BRSK2: variants seen among roughly 807,000 people sequenced by gnomAD.
BRSK2 encodes serine/threonine-protein kinase BRSK2.
A neutral mutation model predicts 83.3 loss-of-function variants in BRSK2; 19 were observed. The observed-to-expected ratio is 0.23, with a 90% CI of 0.16 to 0.33. The LOEUF is 0.33. BRSK2 is among the 10% of genes least tolerant of loss of function. The pLI is 1.00. For missense variants in BRSK2, 798 were observed against 1,042.3 expected (o/e 0.77, Z 3.23); for synonymous variants, 519 against 435.4 (o/e 1.19, Z -2.39).
chr11:1,438,243 C>A lies in BRSK2; in HGVS notation c.187-63C>A, dbSNP rs1850607019. ...CCACAGCTGGCACCAAAGGCAGTGT[C>A]TGTGGGGAGCGATGCGTGCCCCAGC... On this transcript the variant is annotated intron_variant, in intron 2 of 19. Transcript: ENST00000528841. The surrounding 1 kb of genome is among the most constrained non-coding windows in gnomAD (Gnocchi z 6.4). 1.3e-6 allele frequency: 2 copies of A among 1,514,778 alleles called. No homozygotes were observed. The highest frequency in any genetic ancestry group is 4.6e-5 in the East Asian group (2 of 43,906). The allele number at this position is 1,514,778 out of a possible 1,614,324, so 93.8% of individuals were successfully genotyped here.
chr11:1,445,288 C>A lies in BRSK2; in HGVS notation c.813-6C>A. The A allele has an allele frequency of 6.2e-7, 1 of 1,603,784 alleles. No individual in the cohort carries two copies. The highest frequency in any genetic ancestry group is 8.5e-7 in the Non-Finnish European group (1 of 1,174,674). On this transcript the variant is annotated splice_region_variant and splice_polypyrimidine_tract_variant and intron_variant, in intron 9 of 19. Coordinates refer to ENST00000528841, the MANE Select transcript of BRSK2 (RefSeq NM_001256627.2). Reference sequence around the variant, plus strand: ...GATGAGCGGGTGGCCCGTCCTGTGTCCACAGAGGGGGCAAGAATGAGCCCG... The same window carrying A: ...GATGAGCGGGTGGCCCGTCCTGTGTACACAGAGGGGGCAAGAATGAGCCCG...
chr11:1,452,566 C>T (rs1845927690), intron 15 of BRSK2, among the ~76,000 whole-genome samples: 1 of 152,218 alleles, frequency 6.6e-6, no homozygotes, highest in South Asian at 2.1e-4. Flanking sequence ...GCCTGGAGGC[C>T]CTGACCCCTC....
rs569714982 is a variant in BRSK2, at chr11:1,451,553, G to A, written c.1544+134G>A. 1.2e-4 allele frequency: 113 copies of A among 921,070 alleles called. 1 individual carries two copies. The highest frequency in any genetic ancestry group is 2.6e-4 in the Middle Eastern group (1 of 3,888). 57.1% of individuals were successfully genotyped at this position (921,070 alleles called of 1,614,324 possible). On this transcript the variant is annotated intron_variant, in intron 15 of 19. Coordinates refer to ENST00000528841, the MANE Select transcript of BRSK2 (RefSeq NM_001256627.2). ...CCCACCTCCCACTGCAGGCAGGCCCGTCTCGGCCACTGAGTCTCTGAAGTT... is the reference window on the plus strand; with the variant it reads ...CCCACCTCCCACTGCAGGCAGGCCCATCTCGGCCACTGAGTCTCTGAAGTT...
At chr11:1,433,795 T>C (rs1202970904) in intron 1 of BRSK2, among the ~76,000 whole-genome samples, 1 of 152,212 alleles carries the variant, frequency 6.6e-6, no homozygotes, top group Non-Finnish European at 1.5e-5. Context: ...TCTTCCTCCA[T>C]GAGCACACCC....
At chr11:1,424,754 G>T (rs908515801) in intron 1 of BRSK2, among the ~76,000 whole-genome samples, 1 of 151,958 alleles carries the variant, frequency 6.6e-6, no homozygotes, top group Non-Finnish European at 1.5e-5. Context: ...GCCAGGCAGG[G>T]CCCTGTGGAG....
At chr11:1,400,091 C>T (rs544373203) in intron 1 of BRSK2, among the ~76,000 whole-genome samples, 1 of 152,388 alleles carries the variant, frequency 6.6e-6, no homozygotes, top group South Asian at 2.1e-4. Flanking sequence ...GCACTGATTT[C>T]TAGAAACTGG....
At chr11:1,420,471 T>C (rs747977192) in intron 1 of BRSK2, among the ~76,000 whole-genome samples, 62 of 152,336 alleles carry the variant, frequency 4.1e-4, no homozygotes, top group Middle Eastern at 3.4e-3. Context: ...CTTCTCTGCC[T>C]GCCTGCCTCT....
In BRSK2 at chr11:1,457,058, C is replaced by A. The variant is rs770081199; in HGVS notation, c.1939+371C>A. On this transcript the variant is annotated intron_variant, in intron 18 of 19. Transcript: ENST00000528841. Reference sequence around the variant, plus strand: ...GCCTCTGACGCTGGCAGGTAAGGCGCCCGGCCTGTGCTGGGGCGGGGAGGG... The same window carrying A: ...GCCTCTGACGCTGGCAGGTAAGGCGACCGGCCTGTGCTGGGGCGGGGAGGG... 1.7e-5 allele frequency: 27 copies of A among 1,569,928 alleles called. No homozygotes were observed. In the South Asian group the frequency reaches 3.0e-4, roughly 17 times the overall value.
chr11:1,456,765 G>C (rs528076912), intron 18 of BRSK2, 78 bp downstream of exon 18: 5 of 1,453,356 alleles, frequency 3.4e-6, no homozygotes, highest in African/African-American at 1.4e-5. Context: ...GACGGGAGGC[G>C]TGAGGACCCG....
chr11:1,449,671 G>A lies in BRSK2; in HGVS notation c.1227-105G>A, dbSNP rs140652968. On this transcript the variant is annotated intron_variant, in intron 12 of 19. Transcript: ENST00000528841. ...CCCAGGGCCTCGAGGCTCTTGGCCC[G>A]GGCTCCAGGCCTCCTGGAGGGTTTA... 198 of 941,492 alleles carry A rather than the reference G, an allele frequency of 2.1e-4. 1 individual carries two copies. Among genetic ancestry groups the A allele is most frequent in the African/African-American group, 1.7e-3 (99 of 59,524 alleles). The allele number at this position is 941,492 out of a possible 1,614,324, so 58.3% of individuals were successfully genotyped here.
At chr11:1,436,313 C>T (rs1374269316) in intron 2 of BRSK2, among the ~76,000 whole-genome samples, 179 bp downstream of exon 2, 1 of 152,078 alleles carries the variant, frequency 6.6e-6, no homozygotes, top group Non-Finnish European at 1.5e-5. Flanking sequence ...TTTGCTCTTG[C>T]TCCTCCCTCC....
At chr11:1,429,108 G>C (rs910065565) in intron 1 of BRSK2, among the ~76,000 whole-genome samples, 1 of 146,196 alleles carries the variant, frequency 6.8e-6, no homozygotes, top group Admixed American at 6.8e-5. Context: ...GTGTGCACTC[G>C]GTGTGTGGGT....
intron 12 of BRSK2, among the ~76,000 whole-genome samples, chr11:1,448,852 C>T (rs1287078810): frequency 1.3e-5 from 2 of 152,242 alleles, no homozygotes; most frequent in Non-Finnish European, 2.9e-5. Context: ...AGGTGTGTGG[C>T]CAGCGTGGCA....
intron 1 of BRSK2, among the ~76,000 whole-genome samples, chr11:1,412,906 G>A (rs7107140): frequency 0.27 from 40,255 of 150,306 alleles, 5,489 homozygotes; most frequent in Middle Eastern, 0.41. Context: ...GCAGTCACTC[G>A]CATGGGACGG....
intron 1 of BRSK2, among the ~76,000 whole-genome samples, chr11:1,393,816 G>A (rs972377923): frequency 3.3e-5 from 5 of 152,256 alleles, no homozygotes; most frequent in Admixed American, 2.0e-4. Context: ...TTAGAAAGTT[G>A]AGCAGGACGG....
rs1239591863 is a variant in BRSK2, at chr11:1,450,666, C to T, written c.1367C>T (p.Pro456Leu). The part of the protein sequence containing the change: ...GTPVHTPKES[P>L]AGTPNPTPPS... ...CCTGTCCACACGCCAAAGGAGAGCC[C>T]GGCTGGCACGCCCAACCCCACGCCC... The change falls in exon 14 of 20, where the codon CCG (proline) becomes CTG (leucine). Residue 456 changes from proline (P) to leucine (L), a missense_variant. Physicochemically the swap from Pro to Leu is moderately conservative, Grantham distance 98. Coordinates refer to ENST00000528841, the MANE Select transcript of BRSK2 (RefSeq NM_001256627.2). 16 of 1,609,304 alleles carry T rather than the reference C, an allele frequency of 9.9e-6. No homozygotes were observed. Among genetic ancestry groups the T allele is most frequent in the African/African-American group, 1.3e-5 (1 of 74,740 alleles).
chr11:1,402,239 G>T (rs148389452), intron 1 of BRSK2, among the ~76,000 whole-genome samples: 135 of 152,352 alleles, frequency 8.9e-4, no homozygotes, highest in African/African-American at 3.1e-3. Flanking sequence ...GGCAGGCACA[G>T]CAGGCTGTGG....
chr11:1,461,048 T>TCC lies in BRSK2; in HGVS notation c.*327_*328dup. 1 of 1,604,064 alleles carries TCC rather than the reference T, an allele frequency of 6.2e-7. No individual in the cohort carries two copies. Among genetic ancestry groups the TCC allele is most frequent in the Admixed American group, 1.7e-5 (1 of 59,612 alleles). Reference sequence around the variant, plus strand: ...GAAGGCAGCTGCTGCGGACCCGCCCTCCCTCCGCTCCTGCTGTTGCTGCCG... The same window carrying TCC: ...GAAGGCAGCTGCTGCGGACCCGCCCTCCCCCTCCGCTCCTGCTGTTGCTGCCG... On this transcript the variant is annotated 3_prime_UTR_variant, in exon 20 of 20. Transcript: ENST00000528841.
intron 1 of BRSK2, among the ~76,000 whole-genome samples, chr11:1,420,435 C>T (rs997230790): frequency 3.9e-5 from 6 of 152,358 alleles, no homozygotes; most frequent in Non-Finnish European, 8.8e-5. Flanking sequence ...CCCCTGGAGA[C>T]AGGCAGGCCC....
Sources: gnomAD v4.1 joint callset for allele counts (sites outside exome capture counted in the v4.1 genomes callset) on GRCh38, gnomAD v4.1.1 for gene constraint, Gnocchi (gnomAD v3.1) non-coding constraint, MANE v1.5 for transcripts, NCBI Gene and HGNC (gene_info 2026-07-23, HGNC 2026-07-21) for gene names.